AGO2: variants seen among roughly 807,000 people sequenced by gnomAD.
AGO2 encodes argonaute RISC catalytic component 2, also known as protein argonaute-2.
In AGO2, 5 loss-of-function variants were observed where a neutral mutation model predicts 102.3. That is an observed-to-expected ratio of 0.05 (90% CI 0.03 to 0.10). AGO2 has a LOEUF of 0.10. Among genes scored for constraint, AGO2 ranks in the 10% least tolerant of loss-of-function variants. The pLI is 1.00. For missense variants in AGO2, 541 were observed against 1,183.7 expected, an observed-to-expected ratio of 0.46 and a Z score of 7.97; for synonymous variants, 449 against 473.1, an observed-to-expected ratio of 0.95 and a Z score of 0.66.
rs770863970 is a variant in AGO2, at chr8:140,557,116, C to T, written c.999G>A (p.Glu333=). ...PHLPCLQVGQ[E]QKHTYLPLEV... ...CCAGGGGAAGGTAGGTGTGTTTCTG[C>T]TCCTGTCCGACTTGTAAACATGGGA... The change falls in exon 8 of 19, where the codon GAG becomes GAA. Residue 333 remains glutamate, a synonymous_variant. Transcript: ENST00000220592. This position sits in a 1 kb window ranked among gnomAD's most constrained non-coding sequence, Gnocchi z 5.9. 3.7e-6 allele frequency: 6 copies of T among 1,613,906 alleles called. No individual in the cohort carries two copies. In the Admixed American group the frequency reaches 1.0e-4, roughly 27 times the overall value.
intron 1 of AGO2, among the ~76,000 whole-genome samples, chr8:140,597,764 T>A (rs948915877): frequency 6.6e-6 from 1 of 151,506 alleles, no homozygotes; most frequent in Non-Finnish European, 1.5e-5. Context: ...TTATAACACA[T>A]CTTAGCCTTT....
At chr8:140,565,714 C>A (rs1342827876) in intron 3 of AGO2, among the ~76,000 whole-genome samples, 1 of 151,634 alleles carries the variant, frequency 6.6e-6, no homozygotes, top group Non-Finnish European at 1.5e-5. Flanking sequence ...TGTTAATTTA[C>A]AGTTTATGTT....
Position 140,565,371 on chromosome 8 carries a change from A to G in AGO2, c.337-2737T>C, listed in dbSNP as rs958145091. ...GGAGAATGGCATGAACCTGGGAGGC[A>G]GAGGTTGCAGTGAGCCGAGATCGCG... On this transcript the variant is annotated intron_variant, in intron 3 of 18. Coordinates refer to ENST00000220592, the MANE Select transcript of AGO2 (RefSeq NM_012154.5). 2.7e-5 allele frequency among the ~76,000 whole-genome samples: 4 copies of G among 149,842 alleles called. 1 individual carries two copies. Among genetic ancestry groups the G allele is most frequent in the Middle Eastern group, 6.9e-3 (2 of 288 alleles).
chr8:140,609,892 G>A (rs2074053250), intron 1 of AGO2, among the ~76,000 whole-genome samples: 2 of 151,878 alleles, frequency 1.3e-5, no homozygotes, highest in Admixed American at 1.3e-4. Flanking sequence ...TGTAATCCCG[G>A]CACGGAAAAA....
Position 140,585,166 on chromosome 8 carries a change from A to T in AGO2, c.168T>A (p.His56Gln). The change falls in exon 2 of 19, where the codon CAT becomes CAA. Residue 56 changes from histidine (H) to glutamine (Q), a missense_variant. Physicochemically the swap from His to Gln is conservative, Grantham distance 24 (BLOSUM62 0). Around this residue, in one of 6 missense-constraint regions of AGO2, gnomAD observed 147 missense variants for 204.1 expected, o/e 0.72. Coordinates refer to ENST00000220592, the MANE Select transcript of AGO2 (RefSeq NM_012154.5). ...TCTCTGGCTTGATATCCAATTCATAATGATAGATGTCAATTTTGGGGATGT... is the reference window on the plus strand; with the variant it reads ...TCTCTGGCTTGATATCCAATTCATATTGATAGATGTCAATTTTGGGGATGT... Reference protein sequence around the residue: ...EMDIPKIDIYHYELDIKPEKC... With the variant: ...EMDIPKIDIYQYELDIKPEKC... 3 of 1,614,168 alleles carry T rather than the reference A, an allele frequency of 1.9e-6. No homozygotes were observed. Among genetic ancestry groups the T allele is most frequent in the Non-Finnish European group, 2.5e-6 (3 of 1,180,034 alleles).
Position 140,557,027 on chromosome 8 carries a change from G to A in AGO2, c.1026+62C>T. ...CCTCGGCGGTTTCTCGAAGCTGCAT[G>A]CCCCAGCCTGGGACGCCGCCCTCCC... On this transcript the variant is annotated intron_variant, in intron 8 of 18. Coordinates refer to ENST00000220592, the MANE Select transcript of AGO2 (RefSeq NM_012154.5). This position sits in a 1 kb window ranked among gnomAD's most constrained non-coding sequence, Gnocchi z 5.9. 1 of 1,551,438 alleles carries A rather than the reference G, an allele frequency of 6.4e-7. No homozygotes were observed. The highest frequency in any genetic ancestry group is 8.7e-7 in the Non-Finnish European group (1 of 1,147,592).
chr8:140,608,070 C>CA (rs1214945637), intron 1 of AGO2, among the ~76,000 whole-genome samples: 1 of 152,154 alleles, frequency 6.6e-6, no homozygotes, highest in Admixed American at 6.5e-5. Context: ...AATGAATTCT[C>CA]AGCAACAACA....
At chr8:140,556,103 G>C in intron 9 of AGO2, 64 bp downstream of exon 9, 1 of 1,611,086 alleles carries the variant, frequency 6.2e-7, no homozygotes, top group African/African-American at 1.3e-5. Flanking sequence ...AGCATCAGAG[G>C]TTTCTGTGCC....
intron 1 of AGO2, among the ~76,000 whole-genome samples, chr8:140,621,880 G>A (rs967604107): frequency 3.3e-5 from 5 of 152,094 alleles, no homozygotes; most frequent in Non-Finnish European, 7.3e-5. Flanking sequence ...ACAGCTAAGT[G>A]GGCCCTCAAA....
Position 140,549,099 on chromosome 8 carries a change from A to G in AGO2, c.1588+15T>C. 1 of 1,580,756 alleles carries G rather than the reference A, an allele frequency of 6.3e-7. No homozygotes were observed. On this transcript the variant is annotated intron_variant, in intron 12 of 18. Coordinates refer to ENST00000220592, the MANE Select transcript of AGO2 (RefSeq NM_012154.5). ...ACGACGGCTCCCCACAGCCAGCGGGAGCGCCCACACCTACCGTACACGGGC... is the reference window on the plus strand; with the variant it reads ...ACGACGGCTCCCCACAGCCAGCGGGGGCGCCCACACCTACCGTACACGGGC...
chr8:140,636,343 T>A (rs1198402967), upstream of AGO2: 1 of 152,246 alleles, frequency 6.6e-6, no homozygotes, highest in Non-Finnish European at 1.5e-5. Context: ...ATTCCAGCAG[T>A]CAGGGGCCTG....
rs555154540 is a variant in AGO2 at position 140,616,653 on chromosome 8, A to T, written c.22+18832T>A. 3.9e-5 allele frequency among the ~76,000 whole-genome samples: 6 copies of T among 152,322 alleles called. No homozygotes were observed. The South Asian group carries it at 1.0e-3, about 26-fold the overall frequency. ...TTATTATCCCATTTTACAGAGGAGGAGCTGACACAGGGGCAGCAGCAGTGG... is the reference window on the plus strand; with the variant it reads ...TTATTATCCCATTTTACAGAGGAGGTGCTGACACAGGGGCAGCAGCAGTGG... On this transcript the variant is annotated intron_variant, in intron 1 of 18. Transcript: ENST00000220592.
At chr8:140,534,295 A>G (rs148984605) in intron 17 of AGO2, among the ~76,000 whole-genome samples, 1 of 152,208 alleles carries the variant, frequency 6.6e-6, no homozygotes, top group Admixed American at 6.5e-5. Flanking sequence ...TTTTGGGTAG[A>G]AAGTTCAGGG....
chr8:140,549,689 C>A (rs143987786), intron 11 of AGO2, among the ~76,000 whole-genome samples: 3,336 of 152,386 alleles, frequency 0.022, 56 homozygotes, highest in Non-Finnish European at 0.031. Context: ...GCTCTCCCCA[C>A]GTGCAGGCCA....
At chr8:140,596,128 G>A (rs770085872) in intron 1 of AGO2, among the ~76,000 whole-genome samples, 18 of 150,060 alleles carry the variant, frequency 1.2e-4, no homozygotes, top group Non-Finnish European at 2.1e-4. Flanking sequence ...GGATTACAGC[G>A]TGAGCCACTG....
Position 140,589,412 on chromosome 8 carries a change from G to GTGGCAGCCTCGCTGTGAGGC in AGO2, c.23-4121_23-4102dup, listed in dbSNP as rs1279101632. 6.6e-6 allele frequency among the ~76,000 whole-genome samples: 1 copy of GTGGCAGCCTCGCTGTGAGGC among 151,822 alleles called. No individual in the cohort carries two copies. The highest frequency in any genetic ancestry group is 1.5e-5 in the Non-Finnish European group (1 of 67,880). On this transcript the variant is annotated intron_variant, in intron 1 of 18. Transcript: ENST00000220592. This position sits in a 1 kb window ranked among gnomAD's most constrained non-coding sequence, Gnocchi z 4.2. ...CTGCGCAGCTGCCACCTGAGCTTGG[G>GTGGCAGCCTCGCTGTGAGGC]TGGCAGCCTCGCTGTGAGGCTGGCA... is the stretch of plus-strand genomic sequence containing the variant.
chr8:140,564,074 C>A (rs2073243334), intron 3 of AGO2, among the ~76,000 whole-genome samples: 1 of 152,244 alleles, frequency 6.6e-6, no homozygotes, highest in Non-Finnish European at 1.5e-5. Context: ...GCCCCGAGGA[C>A]CATCTGCAAA....
chr8:140,636,622 T>C (rs1588525819), upstream of AGO2: 1 of 152,112 alleles, frequency 6.6e-6, no homozygotes, highest in South Asian at 2.1e-4. Flanking sequence ...GAGTTCTGAC[T>C]GACAGGAGCT....
rs549061484 is a variant in AGO2, at chr8:140,628,163, C to G, written c.22+7322G>C. ...TTCAGGTAATTCTGTGATTCCTGCT[C>G]CCCCGGCCGCAGCGCCCACTGACTG... On this transcript the variant is annotated intron_variant, in intron 1 of 18. Coordinates refer to ENST00000220592, the MANE Select transcript of AGO2 (RefSeq NM_012154.5). Among the ~76,000 whole-genome samples, 206 of 152,342 alleles carry G rather than the reference C, an allele frequency of 1.4e-3. 1 individual carries two copies. The highest frequency in any genetic ancestry group is 2.1e-3 in the Non-Finnish European group (142 of 68,018).
Sources: gnomAD v4.1 joint callset for allele counts (sites outside exome capture counted in the v4.1 genomes callset) on GRCh38, gnomAD v4.1.1 for gene constraint, gnomAD v4.1.1 regional missense constraint, Gnocchi (gnomAD v3.1) non-coding constraint, MANE v1.5 for transcripts, NCBI Gene and HGNC (gene_info 2026-07-23, HGNC 2026-07-21) for gene names.